Variants in SLC16A10 observed in about 807,000 individuals in gnomAD.
The protein encoded by SLC16A10 is solute carrier family 16 member 10, also known as monocarboxylate transporter 10.
SLC16A10 carries 27 observed loss-of-function variants against 40.0 expected under a neutral mutation model. The ratio of observed to expected loss-of-function variants is 0.67; its 90% confidence interval spans 0.50 to 0.93. SLC16A10 has a LOEUF of 0.93. Ranked by LOEUF, SLC16A10 falls within the 40% of genes least tolerant of loss-of-function variation. The pLI is 0.00. For missense variants in SLC16A10, 529 were observed against 658.2 expected, an observed-to-expected ratio of 0.80 and a Z score of 2.15; for synonymous variants, 213 against 249.8, an observed-to-expected ratio of 0.85 and a Z score of 1.39.
At chr6:111,142,592 A>G (rs1772003148) in intron 1 of SLC16A10, among the ~76,000 whole-genome samples, 2 of 152,246 alleles carry the variant, frequency 1.3e-5, no homozygotes, top group African/African-American at 4.8e-5. Flanking sequence ...CAAAGAAGAT[A>G]TATAGATGGC....
At chr6:111,196,134 C>T (rs966195213) in intron 3 of SLC16A10, among the ~76,000 whole-genome samples, 14 of 152,204 alleles carry the variant, frequency 9.2e-5, no homozygotes, top group Non-Finnish European at 1.3e-4. Context: ...GTCAGGAGTT[C>T]GAGACCAGAC....
At chr6:111,153,823 A>G (rs1562414964) in intron 1 of SLC16A10, among the ~76,000 whole-genome samples, 1 of 152,352 alleles carries the variant, frequency 6.6e-6, no homozygotes, top group Admixed American at 6.5e-5. Flanking sequence ...TTCTCCTTAC[A>G]AAGATAAGAT....
intron 4 of SLC16A10, among the ~76,000 whole-genome samples, chr6:111,211,937 G>A (rs1302652944): frequency 6.6e-6 from 1 of 152,146 alleles, no homozygotes; most frequent in Non-Finnish European, 1.5e-5. Flanking sequence ...ATTCATTGGT[G>A]GTGTGTTTTC....
intron 1 of SLC16A10, among the ~76,000 whole-genome samples, chr6:111,134,467 G>A (rs576720446): frequency 7.2e-5 from 11 of 152,162 alleles, no homozygotes; most frequent in East Asian, 5.8e-4. Flanking sequence ...CCTTAGGCCC[G>A]GAGCAAAAGT....
intron 1 of SLC16A10, among the ~76,000 whole-genome samples, chr6:111,134,498 G>A (rs149581434): frequency 5.4e-4 from 82 of 152,092 alleles, no homozygotes; most frequent in African/African-American, 1.9e-3. Context: ...ACTGAACTTG[G>A]CAACCTCGGT....
At chr6:111,165,299 AT>A (rs953413271) in intron 1 of SLC16A10, among the ~76,000 whole-genome samples, 2 of 152,044 alleles carry the variant, frequency 1.3e-5, no homozygotes, top group African/African-American at 4.8e-5. Flanking sequence ...TGCCTCTTCC[AT>A]TTTTTCCAGG....
chr6:111,112,430 T>C (rs189884662), intron 1 of SLC16A10, among the ~76,000 whole-genome samples: 243 of 152,322 alleles, frequency 1.6e-3, no homozygotes, highest in African/African-American at 5.6e-3. Flanking sequence ...TTGTAATTAT[T>C]TGTTAATATC....
At chr6:111,217,597 C>T (rs1002366035) in intron 4 of SLC16A10, among the ~76,000 whole-genome samples, 10 of 151,962 alleles carry the variant, frequency 6.6e-5, no homozygotes, top group Non-Finnish European at 1.2e-4. Flanking sequence ...TTACAGGCGC[C>T]GGCCACCACG....
At chr6:111,109,795 T>G (rs967264725) in intron 1 of SLC16A10, among the ~76,000 whole-genome samples, 1 of 152,190 alleles carries the variant, frequency 6.6e-6, no homozygotes, top group Non-Finnish European at 1.5e-5. Flanking sequence ...GATATTGGGT[T>G]GTTTTCAGTT....
At chr6:111,118,787 C>T (rs951875705) in intron 1 of SLC16A10, among the ~76,000 whole-genome samples, 5 of 142,716 alleles carry the variant, frequency 3.5e-5, no homozygotes, top group African/African-American at 1.0e-4. Flanking sequence ...GAATAGGTAT[C>T]GCCACCTAAT....
intron 5 of SLC16A10, 79 bp from the exon 6 acceptor site, chr6:111,221,924 G>T: frequency 3.1e-6 from 4 of 1,281,708 alleles, no homozygotes; most frequent in Non-Finnish European, 3.2e-6. Context: ...TGAGATGTCT[G>T]AATCAGTCCT....
At chr6:111,173,967 A>G (rs1772633099) in intron 2 of SLC16A10, among the ~76,000 whole-genome samples, 2 of 152,162 alleles carry the variant, frequency 1.3e-5, no homozygotes, top group Admixed American at 6.5e-5. Flanking sequence ...GGATTCCTGT[A>G]TTAGAAGAAA....
At chr6:111,135,346 G>A (rs1771859029) in intron 1 of SLC16A10, among the ~76,000 whole-genome samples, 1 of 152,144 alleles carries the variant, frequency 6.6e-6, no homozygotes, top group Admixed American at 6.5e-5. Context: ...CCAAAAGATT[G>A]TTAAGGACCT....
intron 1 of SLC16A10, among the ~76,000 whole-genome samples, chr6:111,088,703 C>T: frequency 6.6e-6 from 1 of 152,236 alleles, no homozygotes; most frequent in East Asian, 1.9e-4. Flanking sequence ...GGGAGGCAGC[C>T]GGATTAGGGA....
chr6:111,100,684 A>G (rs187172778), intron 1 of SLC16A10, among the ~76,000 whole-genome samples: 1 of 152,090 alleles, frequency 6.6e-6, no homozygotes, highest in African/African-American at 2.4e-5. Flanking sequence ...TGCCCGGCCT[A>G]CAGTTGTCTT....
chr6:111,188,122 T>C (rs354523), intron 3 of SLC16A10, among the ~76,000 whole-genome samples: 117,001 of 152,092 alleles, frequency 0.77, 45,806 homozygotes, highest in Non-Finnish European at 0.85. Context: ...AATGGAGTTA[T>C]GTAACTGAAG....
At chr6:111,167,006 C>T (rs961060908) in intron 1 of SLC16A10, among the ~76,000 whole-genome samples, 2 of 152,192 alleles carry the variant, frequency 1.3e-5, no homozygotes, top group African/African-American at 4.8e-5. Flanking sequence ...AGACACAGGA[C>T]ATTCTATCTG....
chr6:111,097,501 G>A (rs1308382545), intron 1 of SLC16A10, among the ~76,000 whole-genome samples: 1 of 151,692 alleles, frequency 6.6e-6, no homozygotes. Context: ...TTTAGTAGAG[G>A]TAGGGTTTCG....
Position 111,224,274 on chromosome 6 carries a change from G to GT in SLC16A10, c.*2043dup, listed in dbSNP as rs1486265152. ...AAACAAAAAATAAATGTTAAATTTT[G>GT]TTTTAAGTTTTAGCACAGACTCCCC... On this transcript the variant is annotated 3_prime_UTR_variant, in exon 6 of 6. Transcript: ENST00000368851. The GT allele has an allele frequency of 6.6e-6, 1 of 152,104 alleles. No homozygotes were observed. Among genetic ancestry groups the GT allele is most frequent in the African/African-American group, 2.4e-5 (1 of 41,418 alleles). 9.4% of individuals were successfully genotyped at this position (152,104 alleles called of 1,614,324 possible). A position where few individuals can be genotyped will look rare whatever the true frequency, so the allele number is the denominator to read the frequency against.
Sources: allele counts gnomAD v4.1 joint callset (sites outside exome capture counted in the v4.1 genomes callset), GRCh38; gene constraint gnomAD v4.1.1; transcripts MANE v1.5; gene names NCBI Gene and HGNC (gene_info 2026-07-23, HGNC 2026-07-21).